Variants in PTPN11 observed in about 807,000 individuals in gnomAD.
PTPN11 encodes the protein tyrosine-protein phosphatase non-receptor type 11.
PTPN11 carries 6 observed loss-of-function variants against 78.8 expected under a neutral mutation model. That is an observed-to-expected ratio of 0.08 (90% confidence interval 0.04 to 0.15). The LOEUF is 0.15. Among genes scored for constraint, PTPN11 ranks in the 10% least tolerant of loss-of-function variants. PTPN11 has a pLI of 1.00. For synonymous variants in PTPN11, 221 were observed against 263.5 expected, an observed-to-expected ratio of 0.84 and a Z score of 1.56; for missense variants, 386 against 744.8, an observed-to-expected ratio of 0.52 and a Z score of 5.61.
At chr12:112,502,453 T>C (rs907143221) in intron 14 of PTPN11, among the ~76,000 whole-genome samples, 197 bp downstream of exon 14, 1 of 152,108 alleles carries the variant, frequency 6.6e-6, no homozygotes, top group Non-Finnish European at 1.5e-5. Flanking sequence ...ACGTTTTAAT[T>C]TTCCTAAGCT....
At chr12:112,451,587 A>T (rs2038079676) in intron 3 of PTPN11, among the ~76,000 whole-genome samples, 3 of 152,160 alleles carry the variant, frequency 2.0e-5, no homozygotes, top group African/African-American at 7.2e-5. Flanking sequence ...CCTCATTCAG[A>T]CTTACATGTA....
At chr12:112,496,243 A>T (rs2038812353) in intron 13 of PTPN11, among the ~76,000 whole-genome samples, 1 of 152,158 alleles carries the variant, frequency 6.6e-6, no homozygotes, top group African/African-American at 2.4e-5. Flanking sequence ...CTCCTGTGTC[A>T]TTTGACATGT....
At chr12:112,464,748 T>G (rs758358623) in intron 6 of PTPN11, among the ~76,000 whole-genome samples, 4 of 152,090 alleles carry the variant, frequency 2.6e-5, no homozygotes, top group Non-Finnish European at 4.4e-5. Flanking sequence ...TTTAAAGAGA[T>G]GGGGTCTCAC....
At chr12:112,425,529 A>G (rs2037603563) in intron 1 of PTPN11, among the ~76,000 whole-genome samples, 1 of 152,232 alleles carries the variant, frequency 6.6e-6, no homozygotes, top group African/African-American at 2.4e-5. Context: ...ATTTATATGT[A>G]TACAAGAAAC....
At position 112,504,297 on chromosome 12, in the gene PTPN11, GAGATTCTT is replaced by G. The variant is rs1217926424; in HGVS notation, c.1713-397_1713-390del. On this transcript the variant is annotated intron_variant, in intron 14 of 15. Transcript: ENST00000351677. The surrounding 1 kb of genome is among the most constrained non-coding windows in gnomAD (Gnocchi z 4.7). ...TGCAACCTCCATCTCCCGAGTTCAAGAGATTCTTCTGCCTCAGCCTCTCAAGCAGCTGG... is the reference window on the plus strand; with the variant it reads ...TGCAACCTCCATCTCCCGAGTTCAAGCTGCCTCAGCCTCTCAAGCAGCTGG... Among the ~76,000 whole-genome samples the G allele has an allele frequency of 1.3e-5, 2 of 152,206 alleles. No individual in the cohort carries two copies. The highest frequency in any genetic ancestry group is 2.9e-5 in the Non-Finnish European group (2 of 68,044).
intron 1 of PTPN11, among the ~76,000 whole-genome samples, chr12:112,423,031 C>T (rs1015833529): frequency 6.6e-6 from 1 of 152,198 alleles, no homozygotes; most frequent in African/African-American, 2.4e-5. Flanking sequence ...GGCAAGGTCT[C>T]TGGGAGTTGT....
intron 13 of PTPN11, among the ~76,000 whole-genome samples, chr12:112,493,026 A>G (rs1323263574): frequency 6.6e-6 from 1 of 152,174 alleles, no homozygotes; most frequent in Non-Finnish European, 1.5e-5. Flanking sequence ...ATGATTATCA[A>G]AATTGAGTTA....
At chr12:112,484,033 C>T (rs1354084666) in intron 10 of PTPN11, among the ~76,000 whole-genome samples, 1 of 150,154 alleles carries the variant, frequency 6.7e-6, no homozygotes, top group Non-Finnish European at 1.5e-5. Context: ...CAGTTTTGCT[C>T]GATAGAGGGA....
intron 6 of PTPN11, 23 bp downstream of exon 6, chr12:112,456,086 T>C: frequency 6.8e-7 from 1 of 1,462,456 alleles, no homozygotes. Context: ...AAAACTGTTT[T>C]TACGTGAGTT....
intron 1 of PTPN11, 138 bp from the exon 2 acceptor site, chr12:112,446,138 G>T: frequency 1.9e-6 from 2 of 1,060,398 alleles, no homozygotes; most frequent in South Asian, 2.8e-5. Context: ...AGAAGAGGGG[G>T]AAGGGACAGG....
At chr12:112,471,863 G>A (rs975866434) in intron 6 of PTPN11, among the ~76,000 whole-genome samples, 9 of 151,616 alleles carry the variant, frequency 5.9e-5, no homozygotes, top group Admixed American at 3.9e-4. Context: ...AGCGATTCTC[G>A]TGCCTCAGCC....
chr12:112,426,807 ATTTT>A (rs939195322), intron 1 of PTPN11, among the ~76,000 whole-genome samples: 1 of 151,462 alleles, frequency 6.6e-6, no homozygotes, highest in African/African-American at 2.4e-5. Context: ...TATTTTATTT[ATTTT>A]ATTTTTGTAG....
intron 9 of PTPN11, among the ~76,000 whole-genome samples, chr12:112,480,712 T>C (rs1478839192): frequency 6.6e-6 from 1 of 152,198 alleles, no homozygotes; most frequent in Non-Finnish European, 1.5e-5. Context: ...CTTTTTTCTT[T>C]CAATTAATCA....
intron 1 of PTPN11, among the ~76,000 whole-genome samples, chr12:112,432,593 C>T (rs563785641): frequency 4.0e-5 from 6 of 150,056 alleles, no homozygotes; most frequent in South Asian, 4.2e-4. Flanking sequence ...CGCTTGAACC[C>T]GGAAGGCGGA....
At chr12:112,495,508 C>G (rs1353316176) in intron 13 of PTPN11, among the ~76,000 whole-genome samples, 3 of 152,286 alleles carry the variant, frequency 2.0e-5, no homozygotes, top group Middle Eastern at 3.4e-3. Flanking sequence ...GTGTTCTCAT[C>G]ACTTGGAGGT....
intron 1 of PTPN11, among the ~76,000 whole-genome samples, chr12:112,429,319 T>TTGTTCTTAATATCC (rs2037674159): frequency 6.6e-6 from 1 of 152,160 alleles, no homozygotes; most frequent in Non-Finnish European, 1.5e-5. Flanking sequence ...TCTCATCTGT[T>TTGTTCTTAATATCC]TGTTCTTAAT....
intron 1 of PTPN11, among the ~76,000 whole-genome samples, chr12:112,424,891 A>ATGTGTATG (rs2037584594): frequency 1.3e-5 from 1 of 79,982 alleles, no homozygotes; most frequent in Admixed American, 1.3e-4. Flanking sequence ...GTGTGTGTGT[A>ATGTGTATG]TGTGTGTGTG....
At chr12:112,438,346 A>G (rs987761072) in intron 1 of PTPN11, among the ~76,000 whole-genome samples, 1 of 152,094 alleles carries the variant, frequency 6.6e-6, no homozygotes, top group Non-Finnish European at 1.5e-5. Flanking sequence ...TCTTAGAGAC[A>G]GGGTCCCACT....
chr12:112,427,729 C>T (rs939038679), intron 1 of PTPN11, among the ~76,000 whole-genome samples: 1 of 151,654 alleles, frequency 6.6e-6, no homozygotes, highest in African/African-American at 2.4e-5. Flanking sequence ...CCCCTCCCCT[C>T]AGTGTTTTTT....
Sources: allele counts gnomAD v4.1 joint callset (sites outside exome capture counted in the v4.1 genomes callset), GRCh38; gene constraint gnomAD v4.1.1; non-coding constraint Gnocchi (gnomAD v3.1); transcripts MANE v1.5; gene names NCBI Gene and HGNC (gene_info 2026-07-23, HGNC 2026-07-21).